The following PDE12 variants were observed in gnomAD, a reference collection of about 807,000 sequenced individuals.
PDE12 encodes 2',5'-phosphodiesterase 12.
PDE12 carries 26 observed loss-of-function variants against 45.4 expected under a neutral mutation model. The observed-to-expected ratio is 0.57, with a 90% CI of 0.42 to 0.79. PDE12 has a LOEUF of 0.79. PDE12 is among the 30% of genes least tolerant of loss of function. The pLI is 0.00. For synonymous variants in PDE12, 283 were observed against 323.9 expected, an observed-to-expected ratio of 0.87 and a Z score of 1.36; for missense variants, 668 against 790.0, an observed-to-expected ratio of 0.85 and a Z score of 1.85.
At chr3:57,613,362 C>G in the PDE12 span, among the ~76,000 whole-genome samples, 3 of 149,090 alleles carry the variant, frequency 2.0e-5, no homozygotes, top group Admixed American at 6.7e-5. Context: ...GGCACGATCT[C>G]GGCTCACTGC....
chr3:57,588,080 C>T, the PDE12 span, among the ~76,000 whole-genome samples: 1 of 152,090 alleles, frequency 6.6e-6, no homozygotes, highest in African/African-American at 2.4e-5. Context: ...AATGAAATTT[C>T]TCCACAAAAT....
the PDE12 span, among the ~76,000 whole-genome samples, chr3:57,590,148 AAAAG>A: frequency 0.13 from 20,284 of 150,986 alleles, 1,449 homozygotes; most frequent in South Asian, 0.21. Context: ...AAAAAACAAA[AAAAG>A]AACATCTATA....
At chr3:57,645,640 A>G in the PDE12 span, 2 of 1,568,700 alleles carry the variant, frequency 1.3e-6, no homozygotes, top group Non-Finnish European at 1.8e-6. Context: ...TACCTGGTCA[A>G]TAGAAGTTAT....
At chr3:57,599,763 A>T in the PDE12 span, among the ~76,000 whole-genome samples, 1 of 152,106 alleles carries the variant, frequency 6.6e-6, no homozygotes, top group East Asian at 1.9e-4. Context: ...GGTCAGAGAG[A>T]TTAAATATTC....
chr3:57,616,388 G>A, the PDE12 span, among the ~76,000 whole-genome samples: 3 of 113,540 alleles, frequency 2.6e-5, no homozygotes, highest in Non-Finnish European at 6.2e-5. Flanking sequence ...GGGAGGAGGA[G>A]AAGGAGAAGA....
Position 57,561,785 on chromosome 3 carries a change from GCTCA to G in PDE12, c.*1784_*1787del. On this transcript the variant is annotated 3_prime_UTR_variant, in exon 3 of 3. Coordinates refer to ENST00000311180, the MANE Select transcript of PDE12 (RefSeq NM_177966.7). ...GATAACATCTGTACTTTCATATTCT[GCTCA>G]CTATCAAATGTATTGTTAACACTTA... 1 of 983,450 alleles carries G rather than the reference GCTCA, an allele frequency of 1.0e-6. No individual in the cohort carries two copies. Among genetic ancestry groups the G allele is most frequent in the Non-Finnish European group, 1.2e-6 (1 of 828,184 alleles). 60.9% of individuals were successfully genotyped at this position (983,450 alleles called of 1,614,324 possible). A position where few individuals can be genotyped will look rare whatever the true frequency, so the allele number is the denominator to read the frequency against.
At chr3:57,634,760 G>C in the PDE12 span, 1 of 1,562,574 alleles carries the variant, frequency 6.4e-7, no homozygotes, top group East Asian at 2.3e-5. Context: ...AACCTGCTTA[G>C]GAATTTCACC....
chr3:57,589,759 A>G, the PDE12 span, among the ~76,000 whole-genome samples: 1 of 151,624 alleles, frequency 6.6e-6, no homozygotes, highest in African/African-American at 2.4e-5. Flanking sequence ...ACCTTTGCCC[A>G]TAATTATGGC....
the PDE12 span, chr3:57,596,845 G>A: frequency 1.9e-6 from 1 of 528,932 alleles, no homozygotes; most frequent in Non-Finnish European, 3.4e-6. Flanking sequence ...AGTCCAGAAA[G>A]AAATCTTGCC....
the PDE12 span, chr3:57,631,051 G>C: frequency 4.2e-5 from 59 of 1,420,626 alleles, 1 homozygote; most frequent in South Asian, 6.8e-4. Flanking sequence ...AAAAGGAATG[G>C]GTCTTTTAAG....
At chr3:57,617,304 T>A in the PDE12 span, among the ~76,000 whole-genome samples, 2 of 151,504 alleles carry the variant, frequency 1.3e-5, no homozygotes, top group East Asian at 3.9e-4. Context: ...ACTTACAGGC[T>A]GAGGCTAGAG....
chr3:57,572,188 C>T, the PDE12 span: 15 of 1,587,988 alleles, frequency 9.4e-6, no homozygotes, highest in South Asian at 1.7e-4. Context: ...TCAAACATGT[C>T]CTTGGTTAGA....
chr3:57,619,207 G>A, the PDE12 span, among the ~76,000 whole-genome samples: 1 of 151,950 alleles, frequency 6.6e-6, no homozygotes, highest in Non-Finnish European at 1.5e-5. Context: ...AATTAGCCGG[G>A]TGTGGTGGCG....
downstream of PDE12, among the ~76,000 whole-genome samples, chr3:57,568,820 G>T (rs2069809513): frequency 7.0e-6 from 1 of 142,210 alleles, no homozygotes; most frequent in Admixed American, 7.3e-5. Context: ...AGCAGCTTAT[G>T]TTAAAGTGAG....
the PDE12 span, among the ~76,000 whole-genome samples, chr3:57,620,947 G>C: frequency 2.0e-5 from 3 of 152,110 alleles, no homozygotes; most frequent in Non-Finnish European, 4.4e-5. Context: ...ATCCCAGCAG[G>C]AATTTGTGTA....
chr3:57,558,128 C>T (rs1185746688), intron 1 of PDE12, among the ~76,000 whole-genome samples: 6 of 152,116 alleles, frequency 3.9e-5, no homozygotes, highest in Non-Finnish European at 1.5e-5. Flanking sequence ...AGTAAGTCCC[C>T]TATTCCCATT....
chr3:57,568,369 C>T (rs189382687), downstream of PDE12, among the ~76,000 whole-genome samples: 15 of 151,960 alleles, frequency 9.9e-5, no homozygotes, highest in Middle Eastern at 3.4e-3. Context: ...GTGGGAGGAT[C>T]GCTTGAGCTT....
the PDE12 span, chr3:57,645,731 T>C: frequency 2.5e-6 from 4 of 1,613,334 alleles, no homozygotes; most frequent in African/African-American, 4.0e-5. Context: ...CGGAAATCAC[T>C]GAAGTACTTT....
At chr3:57,594,704 C>T in the PDE12 span, among the ~76,000 whole-genome samples, 1 of 152,176 alleles carries the variant, frequency 6.6e-6, no homozygotes, top group Non-Finnish European at 1.5e-5. Context: ...AACACTGACT[C>T]AGGAGGGCAT....
Sources: allele counts gnomAD v4.1 joint callset (sites outside exome capture counted in the v4.1 genomes callset), GRCh38; gene constraint gnomAD v4.1.1; transcripts MANE v1.5; gene names NCBI Gene and HGNC (gene_info 2026-07-23, HGNC 2026-07-21).